The following KIF17 variants were observed in gnomAD, a reference collection of about 807,000 sequenced individuals.
KIF17 encodes kinesin family member 17, also known as kinesin-like protein KIF17.
A neutral mutation model predicts 96.8 loss-of-function variants in KIF17; 80 were observed. The observed-to-expected ratio is 0.83, with a 90% CI of 0.69 to 1.00. The LOEUF (loss-of-function observed/expected upper bound fraction) is 1.00. Among genes scored for constraint, KIF17 ranks in the 50% least tolerant of loss-of-function variants. The probability of loss-of-function intolerance (pLI) is 0.00; values close to 1 mark genes in which losing one functional copy is unlikely to be tolerated. For missense variants in KIF17, 1,280 were observed against 1,372.9 expected (o/e 0.93, Z 1.07); for synonymous variants, 567 against 587.5 (o/e 0.97, Z 0.51).
chr1:20,695,407 T>C (rs530118843), intron 6 of KIF17, among the ~76,000 whole-genome samples: 126 of 152,318 alleles, frequency 8.3e-4, no homozygotes, highest in African/African-American at 2.8e-3. Context: ...AGGCTTGGTC[T>C]TGAACTCCTG....
At chr1:20,665,835 A>G (rs1193683580) in intron 14 of KIF17, among the ~76,000 whole-genome samples, 2 of 152,346 alleles carry the variant, frequency 1.3e-5, no homozygotes, top group Admixed American at 6.5e-5. Context: ...AGTGAAGTCA[A>G]TCTGCATTTG....
At chr1:20,696,584 A>T (rs61547312) in intron 6 of KIF17, among the ~76,000 whole-genome samples, 62,045 of 151,496 alleles carry the variant, frequency 0.41, 14,153 homozygotes, top group East Asian at 0.76. Context: ...CGGCGTCGCT[A>T]CTCCCTGGTG....
chr1:20,697,121 TCTC>T (rs1430692700), intron 6 of KIF17, among the ~76,000 whole-genome samples: 1 of 152,146 alleles, frequency 6.6e-6, no homozygotes, highest in African/African-American at 2.4e-5. Flanking sequence ...CCACAGTCCT[TCTC>T]CTGTCTGCCC....
At chr1:20,695,542 T>C (rs1050171539) in intron 6 of KIF17, among the ~76,000 whole-genome samples, 3 of 152,130 alleles carry the variant, frequency 2.0e-5, no homozygotes, top group Non-Finnish European at 4.4e-5. Flanking sequence ...GGTTTCGACA[T>C]GGCTGAGCCC....
intron 6 of KIF17, chr1:20,693,246 C>A (rs1570459550): frequency 7.5e-6 from 1 of 133,304 alleles, no homozygotes; most frequent in South Asian, 2.4e-4. Context: ...ACGTCCTCAT[C>A]TTTTTTTTTT....
chr1:20,670,752 G>A (rs986545635), intron 12 of KIF17, among the ~76,000 whole-genome samples: 9 of 152,200 alleles, frequency 5.9e-5, no homozygotes, highest in African/African-American at 1.9e-4. Context: ...CAGGAAGGCT[G>A]CTGCATCCCA....
chr1:20,671,050 G>A (rs1279585389), intron 12 of KIF17, among the ~76,000 whole-genome samples: 4 of 152,182 alleles, frequency 2.6e-5, no homozygotes, highest in South Asian at 2.1e-4. Flanking sequence ...AAGGCCATAC[G>A]GGAGGTCAGC....
chr1:20,696,069 G>C (rs759702741), intron 6 of KIF17, among the ~76,000 whole-genome samples: 1 of 152,238 alleles, frequency 6.6e-6, no homozygotes, highest in Non-Finnish European at 1.5e-5. Context: ...TGAGACAGAG[G>C]CTCAGAGAGC....
At chr1:20,701,386 G>A (rs1439340062) in intron 5 of KIF17, among the ~76,000 whole-genome samples, 1 of 152,196 alleles carries the variant, frequency 6.6e-6, no homozygotes, top group African/African-American at 2.4e-5. Flanking sequence ...AGCGGAGATC[G>A]CGCCACTGCA....
chr1:20,681,202 G>GT (rs1553149921), intron 11 of KIF17, among the ~76,000 whole-genome samples: 3 of 150,168 alleles, frequency 2.0e-5, no homozygotes, highest in Non-Finnish European at 4.4e-5. Context: ...GTTTTGTTTT[G>GT]TTTTTGAGAC....
At position 20,700,977 on chromosome 1, in the gene KIF17, A is replaced by G. The variant is rs770736997; in HGVS notation, c.1124-2489T>C. ...TGTGTTTCCCACAGGAAGCCCAGTA[A>G]AGGCTGTGGCCCGGGCCCCCACTCC... On this transcript the variant is annotated intron_variant, in intron 5 of 14. Transcript: ENST00000400463. This position sits in a 1 kb window ranked among gnomAD's most constrained non-coding sequence, Gnocchi z 4.6. Among the ~76,000 whole-genome samples the G allele has an allele frequency of 1.3e-5, 2 of 152,082 alleles. No individual in the cohort carries two copies. The highest frequency in any genetic ancestry group is 2.4e-5 in the African/African-American group (1 of 41,404).
chr1:20,711,237 G>A (rs563308890), intron 3 of KIF17, among the ~76,000 whole-genome samples: 9 of 152,242 alleles, frequency 5.9e-5, no homozygotes, highest in African/African-American at 1.9e-4. Context: ...GGATGAGGTC[G>A]CCATCTCGGG....
intron 3 of KIF17, 97 bp downstream of exon 3, chr1:20,713,357 G>T: frequency 2.3e-6 from 2 of 874,846 alleles, no homozygotes; most frequent in Non-Finnish European, 1.8e-6. Context: ...CCCAGTGCCG[G>T]CACCCTCAGG....
chr1:20,664,870 C>A (rs1014959433), intron 14 of KIF17, 108 bp from the exon 15 acceptor site: 2 of 1,052,814 alleles, frequency 1.9e-6, no homozygotes, highest in Non-Finnish European at 2.9e-6. Flanking sequence ...TCCCGCCCCC[C>A]TGCCCAGCCA....
intron 5 of KIF17, among the ~76,000 whole-genome samples, chr1:20,702,777 A>G (rs1024646769): frequency 6.6e-6 from 1 of 152,128 alleles, no homozygotes; most frequent in Non-Finnish European, 1.5e-5. Context: ...TATCCCACCC[A>G]CAGATAGACC....
rs750088760 is a variant in KIF17 at position 20,709,632 on chromosome 1, C to T, written c.670+7G>A. The T allele has an allele frequency of 1.4e-5, 23 of 1,613,706 alleles. No homozygotes were observed. The highest frequency in any genetic ancestry group is 1.2e-4 in the African/African-American group (9 of 74,882). Reference sequence around the variant, plus strand: ...GTCCCCCTGCCCCCAACAATGGCCTCGCATACCCACGGCAGACATCTCGAT... The same window carrying T: ...GTCCCCCTGCCCCCAACAATGGCCTTGCATACCCACGGCAGACATCTCGAT... On this transcript the variant is annotated splice_region_variant and intron_variant, in intron 4 of 14. Coordinates refer to ENST00000400463, the MANE Select transcript of KIF17 (RefSeq NM_001122819.3). The surrounding 1 kb of genome is among the most constrained non-coding windows in gnomAD (Gnocchi z 4.7).
chr1:20,708,791 C>T (rs955484388), intron 4 of KIF17, among the ~76,000 whole-genome samples: 1 of 152,212 alleles, frequency 6.6e-6, no homozygotes, highest in Non-Finnish European at 1.5e-5. Context: ...GGGTTTGGCA[C>T]TGCAGATGGC....
At position 20,700,709 on chromosome 1, in the gene KIF17, G is replaced by T. The variant is rs749310141; in HGVS notation, c.1124-2221C>A. ...GCAGGGTTAGACTGCCCTTCAGGGC[G>T]AGCGAATTCCTAGAAACCGTAAACC... On this transcript the variant is annotated intron_variant, in intron 5 of 14. Transcript: ENST00000400463. The surrounding 1 kb of genome is among the most constrained non-coding windows in gnomAD (Gnocchi z 4.6). Among the ~76,000 whole-genome samples, 1 of 152,146 alleles carries T rather than the reference G, an allele frequency of 6.6e-6. No individual in the cohort carries two copies. Among genetic ancestry groups the T allele is most frequent in the Non-Finnish European group, 1.5e-5 (1 of 68,022 alleles).
intron 1 of KIF17, among the ~76,000 whole-genome samples, chr1:20,716,818 T>C (rs1041212075): frequency 6.6e-6 from 1 of 152,204 alleles, no homozygotes; most frequent in Non-Finnish European, 1.5e-5. Flanking sequence ...ACGGACAAAG[T>C]GGTGAACGAG....
Sources: allele counts gnomAD v4.1 joint callset (sites outside exome capture counted in the v4.1 genomes callset), GRCh38; gene constraint gnomAD v4.1.1; non-coding constraint Gnocchi (gnomAD v3.1); transcripts MANE v1.5; gene names NCBI Gene and HGNC (gene_info 2026-07-23, HGNC 2026-07-21).